The following ABCC1 variants were observed in gnomAD, a reference collection of about 807,000 sequenced individuals.
ABCC1 encodes ATP binding cassette subfamily C member 1 (ABCC1 blood group), also known as multidrug resistance-associated protein 1.
ABCC1 carries 83 observed loss-of-function variants against 172.9 expected under a neutral mutation model. The observed-to-expected ratio is 0.48, with a 90% CI of 0.40 to 0.58. ABCC1 has a LOEUF of 0.58. ABCC1 is among the 20% of genes least tolerant of loss of function. ABCC1 has a pLI of 0.00. For synonymous variants in ABCC1, 937 were observed against 825.2 expected, an observed-to-expected ratio of 1.14 and a Z score of -2.32; for missense variants, 1,817 against 2,002.7, an observed-to-expected ratio of 0.91 and a Z score of 1.77.
chr16:16,031,546 A>G (rs2048558107), intron 5 of ABCC1, among the ~76,000 whole-genome samples: 1 of 152,190 alleles, frequency 6.6e-6, no homozygotes, highest in South Asian at 2.1e-4. Flanking sequence ...TGTGGCCTGC[A>G]GTGTAGACTG....
intron 30 of ABCC1, 145 bp from the exon 31 acceptor site, chr16:16,141,028 A>G (rs1025520620): frequency 1.5e-6 from 1 of 664,126 alleles, no homozygotes; most frequent in African/African-American, 1.8e-5. Flanking sequence ...GAGGGTGAGC[A>G]ACCAGCTGGA....
intron 25 of ABCC1, among the ~76,000 whole-genome samples, chr16:16,125,270 AT>A (rs2045379050): frequency 6.6e-6 from 1 of 151,952 alleles, no homozygotes; most frequent in African/African-American, 2.4e-5. Flanking sequence ...GGCTAAAAAT[AT>A]TTTCCAGTTT....
At position 16,036,017 on chromosome 16, in the gene ABCC1, G is replaced by A. The variant is rs141301242; in HGVS notation, c.678-455G>A. Reference sequence around the variant, plus strand: ...CTTACACCCAAAGTCCCAGCTACTCGGGAGGTTGAGATGGGAGAACCACTC... The same window carrying A: ...CTTACACCCAAAGTCCCAGCTACTCAGGAGGTTGAGATGGGAGAACCACTC... On this transcript the variant is annotated intron_variant, in intron 6 of 30. Transcript: ENST00000399410. 3.6e-4 allele frequency among the ~76,000 whole-genome samples: 54 copies of A among 152,016 alleles called. No individual in the cohort carries two copies. The East Asian group carries it at 9.6e-3, about 27-fold the overall frequency.
At chr16:16,112,637 A>G (rs1433665820) in intron 22 of ABCC1, among the ~76,000 whole-genome samples, 1 of 152,232 alleles carries the variant, frequency 6.6e-6, no homozygotes, top group Non-Finnish European at 1.5e-5. Flanking sequence ...CAGCTAATAC[A>G]TGGCAGCATT....
At chr16:16,106,100 C>G (rs980054300) in intron 20 of ABCC1, among the ~76,000 whole-genome samples, 1 of 151,912 alleles carries the variant, frequency 6.6e-6, no homozygotes, top group African/African-American at 2.4e-5. Flanking sequence ...TAGTCTTGAA[C>G]TCCTGGCCTC....
intron 23 of ABCC1, among the ~76,000 whole-genome samples, chr16:16,119,373 G>T (rs757691633): frequency 6.6e-6 from 1 of 152,156 alleles, no homozygotes; most frequent in South Asian, 2.1e-4. Context: ...CCTCGGAGGC[G>T]GAGGTTGCAG....
intron 10 of ABCC1, among the ~76,000 whole-genome samples, chr16:16,048,767 A>G (rs2049315808): frequency 6.6e-6 from 1 of 152,166 alleles, no homozygotes; most frequent in Admixed American, 6.5e-5. Flanking sequence ...CGGGCAGATC[A>G]CCTGAGATCA....
chr16:16,036,381 A>C, intron 6 of ABCC1, 91 bp from the exon 7 acceptor site: 1 of 1,238,294 alleles, frequency 8.1e-7, no homozygotes, highest in Non-Finnish European at 1.1e-6. Flanking sequence ...GGGGAGCAGC[A>C]TCAGCAGGCG....
chr16:16,062,119 C>G (rs147390096), intron 12 of ABCC1, among the ~76,000 whole-genome samples: 3 of 152,190 alleles, frequency 2.0e-5, no homozygotes, highest in African/African-American at 7.2e-5. Context: ...AGATACAAGC[C>G]AGAGGGCGCT....
At position 16,106,891 on chromosome 16, in the gene ABCC1, A is replaced by G; in HGVS notation, c.2871+18A>G. 2 of 1,613,850 alleles carry G rather than the reference A, an allele frequency of 1.2e-6. No individual in the cohort carries two copies. Among genetic ancestry groups the G allele is most frequent in the South Asian group, 2.2e-5 (2 of 91,060 alleles). ...CAGGGCAGGTGAGATTCGCTCCTTAAGTGATGACAGTGGCTGGAGTTTATA... is the reference window on the plus strand; with the variant it reads ...CAGGGCAGGTGAGATTCGCTCCTTAGGTGATGACAGTGGCTGGAGTTTATA... On this transcript the variant is annotated intron_variant, in intron 21 of 30. Coordinates refer to ENST00000399410, the MANE Select transcript of ABCC1 (RefSeq NM_004996.4).
At chr16:15,995,225 G>A (rs890325933) in intron 1 of ABCC1, among the ~76,000 whole-genome samples, 6 of 152,106 alleles carry the variant, frequency 3.9e-5, no homozygotes, top group East Asian at 1.9e-4. Flanking sequence ...AATGGGTTAC[G>A]TTATAGTACC....
intron 1 of ABCC1, among the ~76,000 whole-genome samples, chr16:15,975,305 C>T (rs928971002): frequency 2.0e-5 from 3 of 152,130 alleles, no homozygotes; most frequent in Non-Finnish European, 4.4e-5. Flanking sequence ...GGATCATCTG[C>T]CCCAGTTTGC....
chr16:16,105,106 A>G (rs773066382), intron 20 of ABCC1, among the ~76,000 whole-genome samples: 41 of 152,224 alleles, frequency 2.7e-4, no homozygotes, highest in Non-Finnish European at 5.4e-4. Context: ...GGGCTCCTCA[A>G]GCGCTGCCAG....
intron 27 of ABCC1, among the ~76,000 whole-genome samples, chr16:16,132,506 GGTTGTTTTTTTTTTTTTT>G (rs2045732398): frequency 9.9e-6 from 1 of 100,950 alleles, no homozygotes; most frequent in Admixed American, 1.1e-4. Context: ...TTTTTTGGTT[GGTTGTTTTTTTTTTTTTT>G]TTTTTTTTTT....
chr16:15,990,587 C>T (rs1051396205), intron 1 of ABCC1, among the ~76,000 whole-genome samples: 1 of 152,102 alleles, frequency 6.6e-6, no homozygotes, highest in Non-Finnish European at 1.5e-5. Flanking sequence ...TCTTCCTGTG[C>T]CTGGCTTATT....
chr16:16,030,233 A>T (rs1567329107), intron 5 of ABCC1, among the ~76,000 whole-genome samples: 1 of 152,078 alleles, frequency 6.6e-6, no homozygotes, highest in Non-Finnish European at 1.5e-5. Context: ...GTGTACATAA[A>T]CATGTAAGGC....
At chr16:15,980,582 C>T (rs1180921199) in intron 1 of ABCC1, among the ~76,000 whole-genome samples, 1 of 152,126 alleles carries the variant, frequency 6.6e-6, no homozygotes, top group Middle Eastern at 3.2e-3. Context: ...ATAATGAGAA[C>T]AGCATGGAGG....
At chr16:16,052,908 T>C in intron 11 of ABCC1, 92 bp downstream of exon 11, 1 of 1,278,942 alleles carries the variant, frequency 7.8e-7, no homozygotes, top group Non-Finnish European at 1.1e-6. Context: ...GCTCTGTCCC[T>C]GGGGTTCTCA....
At chr16:15,991,514 A>T (rs1408755457) in intron 1 of ABCC1, among the ~76,000 whole-genome samples, 1 of 152,070 alleles carries the variant, frequency 6.6e-6, no homozygotes, top group African/African-American at 2.4e-5. Flanking sequence ...TGGGGGCTTC[A>T]GGACAGAGCT....
Sources: allele counts gnomAD v4.1 joint callset (sites outside exome capture counted in the v4.1 genomes callset), GRCh38; gene constraint gnomAD v4.1.1; transcripts MANE v1.5; gene names NCBI Gene and HGNC (gene_info 2026-07-23, HGNC 2026-07-21).